The following PCLO variants were observed in gnomAD, a reference collection of about 807,000 sequenced individuals.
PCLO encodes protein piccolo.
In PCLO, 82 loss-of-function variants were observed where a neutral mutation model predicts 427.5. The ratio of observed to expected loss-of-function variants is 0.19; its 90% CI spans 0.16 to 0.23. The LOEUF is 0.23. Ranked by LOEUF, PCLO falls within the 10% of genes least tolerant of loss-of-function variation. PCLO has a pLI of 1.00. For missense variants in PCLO, 6,239 were observed against 6,115.9 expected (o/e 1.02, Z -0.67); for synonymous variants, 2,357 against 2,155.4 (o/e 1.09, Z -2.59).
At chr7:82,912,150 A>C (rs549251585) in intron 7 of PCLO, among the ~76,000 whole-genome samples, 52 of 152,144 alleles carry the variant, frequency 3.4e-4, no homozygotes, top group Non-Finnish European at 6.0e-4. Context: ...ATACTAAATA[A>C]CCTGTAGAAT....
At chr7:82,876,644 A>G (rs1793380727) in intron 10 of PCLO, among the ~76,000 whole-genome samples, 1 of 152,168 alleles carries the variant, frequency 6.6e-6, no homozygotes, top group South Asian at 2.1e-4. Context: ...ATACAGGTAT[A>G]ACCTTTTTGA....
chr7:82,902,933 T>C (rs1015296380), intron 8 of PCLO, among the ~76,000 whole-genome samples, 192 bp from the exon 9 acceptor site: 4 of 152,058 alleles, frequency 2.6e-5, no homozygotes, highest in African/African-American at 7.2e-5. Flanking sequence ...TGAGTTCTTA[T>C]GGTGTTTGCA....
intron 9 of PCLO, chr7:82,894,266 T>A (rs1448404177): frequency 6.6e-6 from 1 of 152,082 alleles, no homozygotes; most frequent in Non-Finnish European, 1.5e-5. Context: ...TACAACAAAC[T>A]AAGCAGCATT....
Position 82,758,474 on chromosome 7 carries a change from TG to T in PCLO, c.*100del. ...TTTTTGCTTGTTGTTCCCACTCTTA[TG>T]TTTGCCTCTCAAAACTTAGCTTTGT... On this transcript the variant is annotated 3_prime_UTR_variant, in exon 25 of 25. Coordinates refer to ENST00000333891, the MANE Select transcript of PCLO (RefSeq NM_033026.6). The T allele has an allele frequency of 1.1e-6, 1 of 908,640 alleles. No individual in the cohort carries two copies. The highest frequency in any genetic ancestry group is 1.6e-6 in the Non-Finnish European group (1 of 615,904). The allele number at this position is 908,640 out of a possible 1,614,324, so 56.3% of individuals were successfully genotyped here.
chr7:82,757,744 T>G lies in PCLO; in HGVS notation c.*831A>C, dbSNP rs1790348421. Reference sequence around the variant, plus strand: ...ATAGACTGAAGATGTCTTGGCTTAATGGTAAATTATGAAGATTTTGATGGT... The same window carrying G: ...ATAGACTGAAGATGTCTTGGCTTAAGGGTAAATTATGAAGATTTTGATGGT... On this transcript the variant is annotated 3_prime_UTR_variant, in exon 25 of 25. Coordinates refer to ENST00000333891, the MANE Select transcript of PCLO (RefSeq NM_033026.6). 6.6e-6 allele frequency: 1 copy of G among 151,986 alleles called. No homozygotes were observed. Among genetic ancestry groups the G allele is most frequent in the Non-Finnish European group, 1.5e-5 (1 of 67,920 alleles). The allele number at this position is 151,986 out of a possible 1,614,324, so 9.4% of individuals were successfully genotyped here.
chr7:83,121,759 G>A (rs905670937), intron 3 of PCLO, among the ~76,000 whole-genome samples: 1 of 152,092 alleles, frequency 6.6e-6, no homozygotes, highest in Non-Finnish European at 1.5e-5. Flanking sequence ...AAGGAGAAAA[G>A]TATGAAAAGA....
intron 3 of PCLO, among the ~76,000 whole-genome samples, chr7:83,045,157 T>C (rs1423668772): frequency 6.6e-6 from 1 of 152,198 alleles, no homozygotes; most frequent in Non-Finnish European, 1.5e-5. Flanking sequence ...ACTGCTAATA[T>C]GACAATCTAA....
intron 17 of PCLO, among the ~76,000 whole-genome samples, chr7:82,827,266 T>G (rs1791967265): frequency 6.6e-6 from 1 of 152,112 alleles, no homozygotes; most frequent in Admixed American, 6.6e-5. Context: ...TACATTTCAG[T>G]TATTGTCTGT....
At chr7:83,083,958 C>T (rs537441026) in intron 3 of PCLO, among the ~76,000 whole-genome samples, 1 of 152,090 alleles carries the variant, frequency 6.6e-6, no homozygotes, top group Non-Finnish European at 1.5e-5. Context: ...TGTGAAGAGA[C>T]TGGGTTGACA....
chr7:82,952,291 C>T lies in PCLO; in HGVS notation c.8662G>A (p.Val2888Ile), dbSNP rs529385259. The part of the protein sequence containing the change: ...GVTNGWTDST[V>I]SQGITDGEVV... ...TCCCCATCAGTGATTCCCTGGGATA[C>T]GGTGCTATCAGTCCATCCATTTGTG... The change falls in exon 5 of 25, where the codon GTA becomes ATA. Residue 2888 changes from valine to isoleucine, a missense_variant. This residue lies in a region of PCLO where 4,677 missense variants were observed against 4,468.4 expected (regional missense o/e 1.05). Coordinates refer to ENST00000333891, the MANE Select transcript of PCLO (RefSeq NM_033026.6). The T allele has an allele frequency of 5.3e-4, 855 of 1,613,908 alleles. 10 individuals are homozygous for T. The South Asian group carries it at 8.5e-3, about 16-fold the overall frequency.
chr7:82,881,514 A>T (rs1036542589), intron 9 of PCLO, among the ~76,000 whole-genome samples: 2 of 152,192 alleles, frequency 1.3e-5, no homozygotes, highest in African/African-American at 4.8e-5. Flanking sequence ...TATACTTCAT[A>T]AGCCTCATGT....
At chr7:82,895,396 CT>C (rs1358913976) in intron 9 of PCLO, among the ~76,000 whole-genome samples, 2 of 151,820 alleles carry the variant, frequency 1.3e-5, no homozygotes, top group Non-Finnish European at 2.9e-5. Context: ...AATAAACTAA[CT>C]TTTCACCTTA....
chr7:82,839,440 G>C (rs975893879), intron 14 of PCLO, among the ~76,000 whole-genome samples: 1 of 151,996 alleles, frequency 6.6e-6, no homozygotes, highest in East Asian at 1.9e-4. Flanking sequence ...TAAAAGCACA[G>C]TGAAAAAGAA....
At chr7:82,859,920 C>A (rs1359184265) in intron 10 of PCLO, among the ~76,000 whole-genome samples, 1 of 151,784 alleles carries the variant, frequency 6.6e-6, no homozygotes, top group African/African-American at 2.4e-5. Flanking sequence ...GTGAAAAATG[C>A]AATAGATGCA....
intron 3 of PCLO, among the ~76,000 whole-genome samples, chr7:83,111,962 C>T (rs1385211211): frequency 6.6e-6 from 1 of 152,138 alleles, no homozygotes; most frequent in Non-Finnish European, 1.5e-5. Flanking sequence ...AGTTAAATGA[C>T]ATCTATCTGT....
chr7:82,895,185 G>A (rs1793872103), intron 9 of PCLO, among the ~76,000 whole-genome samples: 1 of 151,752 alleles, frequency 6.6e-6, no homozygotes. Flanking sequence ...GAAAGAGACT[G>A]GAAAAATCCC....
At chr7:82,940,762 T>C (rs1554357145) in intron 6 of PCLO, among the ~76,000 whole-genome samples, 41,125 of 124,984 alleles carry the variant, frequency 0.33, 4,243 homozygotes, top group East Asian at 0.55. Flanking sequence ...TTTCTTTTTT[T>C]TTTTTTTTTT....
intron 16 of PCLO, among the ~76,000 whole-genome samples, chr7:82,828,910 C>T (rs1170361428): frequency 6.6e-6 from 1 of 152,144 alleles, no homozygotes; most frequent in African/African-American, 2.4e-5. Context: ...AAACCAACCT[C>T]TCTGTCTGGG....
chr7:83,047,306 C>A (rs1789127098), intron 3 of PCLO, among the ~76,000 whole-genome samples: 1 of 151,902 alleles, frequency 6.6e-6, no homozygotes, highest in Non-Finnish European at 1.5e-5. Context: ...TATGTACAGG[C>A]ATGACATTTT....
Sources: gnomAD v4.1 joint callset for allele counts (sites outside exome capture counted in the v4.1 genomes callset) on GRCh38, gnomAD v4.1.1 for gene constraint, gnomAD v4.1.1 regional missense constraint, MANE v1.5 for transcripts, NCBI Gene and HGNC (gene_info 2026-07-23, HGNC 2026-07-21) for gene names.